CYP2C19: variants seen among roughly 807,000 people sequenced by gnomAD.
The protein encoded by CYP2C19 is cytochrome P450 family 2 subfamily C member 19, also known as cytochrome P450 2C19.
In CYP2C19, 59 loss-of-function variants were observed where a neutral mutation model predicts 40.9. That is an observed-to-expected ratio of 1.44 (90% CI 1.17 to 1.79). CYP2C19 has a LOEUF of 1.79. Among genes scored for constraint, CYP2C19 ranks in the 40% most tolerant of loss-of-function variants. CYP2C19 has a pLI of 0.00. For missense variants in CYP2C19, 754 were observed against 596.9 expected (o/e 1.26, Z -2.74); for synonymous variants, 253 against 208.7 (o/e 1.21, Z -1.83).
chr10:94,797,118 G>T (rs577046337), intron 5 of CYP2C19, among the ~76,000 whole-genome samples: 1 of 152,174 alleles, frequency 6.6e-6, no homozygotes, highest in Admixed American at 6.5e-5. Context: ...GTATGATATT[G>T]GCTGTGCATT....
At chr10:94,845,757 T>C (rs536584350) in intron 7 of CYP2C19, among the ~76,000 whole-genome samples, 1 of 152,270 alleles carries the variant, frequency 6.6e-6, no homozygotes, top group East Asian at 1.9e-4. Flanking sequence ...TTTAATATAG[T>C]ACTTATTTAT....
At chr10:94,772,435 C>T (rs753259948) in intron 1 of CYP2C19, among the ~76,000 whole-genome samples, 21 of 152,164 alleles carry the variant, frequency 1.4e-4, no homozygotes, top group Middle Eastern at 3.4e-3. Context: ...TTTTTAGAAG[C>T]GGGACTAGCC....
chr10:94,824,884 C>G (rs1032944391), intron 6 of CYP2C19, among the ~76,000 whole-genome samples: 6 of 147,964 alleles, frequency 4.1e-5, no homozygotes, highest in Non-Finnish European at 7.4e-5. Flanking sequence ...TCAATTCCCA[C>G]CTATGAGTGA....
chr10:94,762,755 T>C lies in CYP2C19; in HGVS notation c.50T>C (p.Leu17Pro), dbSNP rs55752064. The change falls in exon 1 of 9, where the codon CTT (leucine) becomes CCT (proline). Residue 17 changes from leucine (L) to proline (P), a missense_variant. Coordinates refer to ENST00000371321, the MANE Select transcript of CYP2C19 (RefSeq NM_000769.4). ...LVLCLSCLLL[L>P]SIWRQSSGRG... ...CTCTGTCTCTCATGTTTGCTTCTCCTTTCAATCTGGAGACAGAGCTCTGGG... is the reference window on the plus strand; with the variant it reads ...CTCTGTCTCTCATGTTTGCTTCTCCCTTCAATCTGGAGACAGAGCTCTGGG... 6.2e-7 allele frequency: 1 copy of C among 1,613,972 alleles called. No homozygotes were observed. Among genetic ancestry groups the C allele is most frequent in the African/African-American group, 1.3e-5 (1 of 75,040 alleles).
At chr10:94,769,701 G>C (rs1014146844) in intron 1 of CYP2C19, among the ~76,000 whole-genome samples, 1 of 152,072 alleles carries the variant, frequency 6.6e-6, no homozygotes, top group African/African-American at 2.4e-5. Context: ...TCCTTCATGA[G>C]CTTCAGGCCT....
intron 6 of CYP2C19, among the ~76,000 whole-genome samples, chr10:94,835,962 G>A (rs540404520): frequency 6.6e-6 from 1 of 152,288 alleles, no homozygotes; most frequent in Non-Finnish European, 1.5e-5. Context: ...ACAAGTTGAA[G>A]TCAGGATCAG....
intron 5 of CYP2C19, among the ~76,000 whole-genome samples, chr10:94,791,461 G>A (rs188761296): frequency 6.6e-6 from 1 of 152,176 alleles, no homozygotes; most frequent in Admixed American, 6.5e-5. Flanking sequence ...TGATGTTAGG[G>A]TGTCAAATTT....
chr10:94,847,458 T>C (rs1031688291), intron 7 of CYP2C19, among the ~76,000 whole-genome samples: 1 of 152,234 alleles, frequency 6.6e-6, no homozygotes, highest in Non-Finnish European at 1.5e-5. Flanking sequence ...GTGCCATATT[T>C]TCTTAATCCA....
intron 1 of CYP2C19, among the ~76,000 whole-genome samples, chr10:94,765,873 G>A (rs1343703783): frequency 1.3e-5 from 2 of 152,086 alleles, no homozygotes; most frequent in African/African-American, 4.8e-5. Context: ...AGGTGCCTCA[G>A]GGGCAGGCCT....
rs1051953795 is a variant in CYP2C19 at position 94,832,737 on chromosome 10, C to A, written c.962-10100C>A. ...TTTTTTTTGCTTATGATAGTTTTGACTATTCTGGGTCTTTTGTGGGTCCAT... is the reference window on the plus strand; with the variant it reads ...TTTTTTTTGCTTATGATAGTTTTGAATATTCTGGGTCTTTTGTGGGTCCAT... On this transcript the variant is annotated intron_variant, in intron 6 of 8. Transcript: ENST00000371321. 2.0e-5 allele frequency among the ~76,000 whole-genome samples: 3 copies of A among 151,950 alleles called. No homozygotes were observed. The East Asian group carries it at 5.8e-4, about 29-fold the overall frequency.
intron 5 of CYP2C19, among the ~76,000 whole-genome samples, chr10:94,811,735 T>G (rs997956989): frequency 6.6e-6 from 1 of 152,102 alleles, no homozygotes; most frequent in African/African-American, 2.4e-5. Flanking sequence ...GCTTGGTAAA[T>G]ATTCCTCCAT....
intron 6 of CYP2C19, among the ~76,000 whole-genome samples, chr10:94,829,879 G>T (rs912260433): frequency 2.0e-5 from 3 of 152,044 alleles, no homozygotes; most frequent in Non-Finnish European, 4.4e-5. Flanking sequence ...TAACAGACAG[G>T]ACCCTCAGCT....
At chr10:94,817,173 G>A (rs1399663304) in intron 5 of CYP2C19, among the ~76,000 whole-genome samples, 5 of 146,834 alleles carry the variant, frequency 3.4e-5, no homozygotes, top group South Asian at 4.6e-4. Flanking sequence ...CACAATGGTT[G>A]AACTAGTTTA....
chr10:94,813,127 C>A (rs1848951423), intron 5 of CYP2C19, among the ~76,000 whole-genome samples: 1 of 152,068 alleles, frequency 6.6e-6, no homozygotes, highest in Non-Finnish European at 1.5e-5. Flanking sequence ...TCAGGCCCTT[C>A]TGCTGCAGGT....
At chr10:94,824,596 G>GT (rs1017140546) in intron 6 of CYP2C19, among the ~76,000 whole-genome samples, 4 of 151,922 alleles carry the variant, frequency 2.6e-5, no homozygotes, top group African/African-American at 7.3e-5. Flanking sequence ...ATTAATTCCT[G>GT]TTTTTTTCCA....
At chr10:94,811,143 A>G (rs537642130) in intron 5 of CYP2C19, among the ~76,000 whole-genome samples, 1 of 152,292 alleles carries the variant, frequency 6.6e-6, no homozygotes, top group Admixed American at 6.5e-5. Flanking sequence ...TTATTTACCC[A>G]GTAGTCATTC....
intron 6 of CYP2C19, among the ~76,000 whole-genome samples, chr10:94,840,791 C>T (rs753525052): frequency 2.6e-5 from 4 of 152,192 alleles, no homozygotes; most frequent in African/African-American, 9.7e-5. Context: ...TGGCTCCAGG[C>T]AGACCAACAT....
At chr10:94,849,621 TCCCTCCC>T (rs1282406140) in intron 7 of CYP2C19, among the ~76,000 whole-genome samples, 1 of 120,498 alleles carries the variant, frequency 8.3e-6, no homozygotes, top group Non-Finnish European at 1.7e-5. Context: ...CCTAATGCTA[TCCCTCCC>T]CCCTCCCCCC....
At chr10:94,766,310 T>C (rs972811999) in intron 1 of CYP2C19, among the ~76,000 whole-genome samples, 5 of 140,958 alleles carry the variant, frequency 3.5e-5, no homozygotes, top group African/African-American at 1.4e-4. Flanking sequence ...GTGATTGAGG[T>C]ATCCAAGGAA....
Sources: gnomAD v4.1 joint callset for allele counts (sites outside exome capture counted in the v4.1 genomes callset) on GRCh38, gnomAD v4.1.1 for gene constraint, MANE v1.5 for transcripts, NCBI Gene and HGNC (gene_info 2026-07-23, HGNC 2026-07-21) for gene names.